LUZP2: variants seen among roughly 807,000 people sequenced by gnomAD.
LUZP2 encodes the protein leucine zipper protein 2.
A neutral mutation model predicts 51.6 loss-of-function variants in LUZP2; 52 were observed. That is an observed-to-expected ratio of 1.01 (90% CI 0.81 to 1.27). The LOEUF (loss-of-function observed/expected upper bound fraction) is 1.27, where lower values mean the gene tolerates loss of function less well. LUZP2 is among the 50% of genes most tolerant of loss of function. LUZP2 has a pLI of 0.00. For synonymous variants in LUZP2, 154 were observed against 137.3 expected (o/e 1.12, Z -0.85); for missense variants, 436 against 395.4 (o/e 1.10, Z -0.87).
chr11:24,989,279 T>C (rs1025876580), intron 9 of LUZP2, among the ~76,000 whole-genome samples: 1 of 151,148 alleles, frequency 6.6e-6, no homozygotes, highest in African/African-American at 2.5e-5. Context: ...CAGTCAATTA[T>C]GCTCCCCGCA....
chr11:24,679,012 T>C (rs1240090573), intron 1 of LUZP2, among the ~76,000 whole-genome samples: 2 of 152,256 alleles, frequency 1.3e-5, no homozygotes, highest in Admixed American at 6.5e-5. Flanking sequence ...GTATTTTTCA[T>C]TTCTAACTTC....
At chr11:25,028,956 C>T (rs1049689531) in intron 9 of LUZP2, among the ~76,000 whole-genome samples, 1 of 152,092 alleles carries the variant, frequency 6.6e-6, no homozygotes, top group African/African-American at 2.4e-5. Flanking sequence ...CTTAAAAGAT[C>T]ATTAAGTGAA....
chr11:24,898,889 TAAA>T (rs1233945884), intron 5 of LUZP2, among the ~76,000 whole-genome samples: 1 of 151,560 alleles, frequency 6.6e-6, no homozygotes, highest in Non-Finnish European at 1.5e-5. Context: ...GGACCAATGT[TAAA>T]AATAAACTCT....
chr11:24,786,725 T>TTATGTATTTATATATATATAC (rs1849260493), intron 5 of LUZP2: 1 of 16,806 alleles, frequency 6.0e-5, no homozygotes, highest in Non-Finnish European at 1.4e-4. Flanking sequence ...TATATATATA[T>TTATGTATTTATATATATATAC]GTATGCCATT....
chr11:25,072,938 C>T (rs1859197741), intron 10 of LUZP2, among the ~76,000 whole-genome samples: 1 of 151,914 alleles, frequency 6.6e-6, no homozygotes, highest in African/African-American at 2.4e-5. Flanking sequence ...ACCAGAGAGA[C>T]CTTGGGGTAT....
At chr11:24,875,315 A>T (rs564060622) in intron 5 of LUZP2, among the ~76,000 whole-genome samples, 6 of 147,556 alleles carry the variant, frequency 4.1e-5, no homozygotes, top group African/African-American at 1.3e-4. Context: ...ATGTGTTCTC[A>T]TTGTTCAATT....
At chr11:24,991,664 G>T (rs941845088) in intron 9 of LUZP2, among the ~76,000 whole-genome samples, 4 of 151,984 alleles carry the variant, frequency 2.6e-5, no homozygotes, top group African/African-American at 7.2e-5. Context: ...CATAGTGGTT[G>T]TACTAGTTTA....
At chr11:24,919,984 A>C (rs972249130) in intron 7 of LUZP2, among the ~76,000 whole-genome samples, 1 of 151,762 alleles carries the variant, frequency 6.6e-6, no homozygotes, top group Admixed American at 6.6e-5. Flanking sequence ...CAACCATGAC[A>C]AGTTGTGTTC....
intron 5 of LUZP2, 26 bp downstream of exon 5, chr11:24,763,334 AT>A: frequency 8.9e-7 from 1 of 1,120,750 alleles, no homozygotes; most frequent in Non-Finnish European, 1.2e-6. Flanking sequence ...TCTTAGATAC[AT>A]TTTATATAGA....
Position 25,001,749 on chromosome 11 carries a change from C to T in LUZP2, c.765+18456C>T, listed in dbSNP as rs559352540. The stretch of plus-strand genomic sequence containing the variant: ...TTTCTCTCTTTCCTTCTTTGACTTT[C>T]TGTCAGTCTCTTCCTCTGTCTCTCT... On this transcript the variant is annotated intron_variant, in intron 9 of 11. Transcript: ENST00000336930. 4.6e-5 allele frequency among the ~76,000 whole-genome samples: 7 copies of T among 152,084 alleles called. No individual in the cohort carries two copies. The East Asian group carries it at 1.4e-3, about 29-fold the overall frequency.
Position 24,616,009 on chromosome 11 carries a change from G to A in LUZP2, c.63-113160G>A, listed in dbSNP as rs190249170. ...TTTCTTCTGTGCATTTCCTAGTTTG[G>A]TTGCCTTTTTTTTTTCTTTTATTGT... On this transcript the variant is annotated intron_variant, in intron 1 of 11. Transcript: ENST00000336930. 7.7e-3 allele frequency among the ~76,000 whole-genome samples: 1,159 copies of A among 150,060 alleles called. 18 individuals are homozygous for A. Among genetic ancestry groups the A allele is most frequent in the African/African-American group, 0.027 (1,112 of 40,770 alleles).
intron 5 of LUZP2, among the ~76,000 whole-genome samples, chr11:24,905,753 A>T (rs1372069458): frequency 6.6e-6 from 1 of 152,190 alleles, no homozygotes; most frequent in Non-Finnish European, 1.5e-5. Flanking sequence ...CCACAATAGA[A>T]TAAAACTAGA....
rs563822785 is a variant in LUZP2 at position 24,600,635 on chromosome 11, T to A, written c.62+103330T>A. ...TATCAAACTCTAACTAAAACTTAGC[T>A]CACTTCTGTTCATAAAGATCGTGAT... On this transcript the variant is annotated intron_variant, in intron 1 of 11. Transcript: ENST00000336930. Among the ~76,000 whole-genome samples, 3 of 152,240 alleles carry A rather than the reference T, an allele frequency of 2.0e-5. No individual in the cohort carries two copies. In the South Asian group the frequency reaches 6.2e-4, roughly 32 times the overall value.
At position 24,732,194 on chromosome 11, in the gene LUZP2, A is replaced by G; in HGVS notation, c.251+6A>G. On this transcript the variant is annotated splice_donor_region_variant and intron_variant, in intron 3 of 11. Coordinates refer to ENST00000336930, the MANE Select transcript of LUZP2 (RefSeq NM_001009909.4). ...GAATTAGGACAGAAACAAAGGTAAGACTTTTCTTTTTTTCTTAGTTATTTC... is the reference window on the plus strand; with the variant it reads ...GAATTAGGACAGAAACAAAGGTAAGGCTTTTCTTTTTTTCTTAGTTATTTC... 2.5e-5 allele frequency: 40 copies of G among 1,594,822 alleles called. No individual in the cohort carries two copies. Among genetic ancestry groups the G allele is most frequent in the Non-Finnish European group, 3.4e-5 (40 of 1,170,036 alleles).
At chr11:24,618,880 T>C (rs1012409011) in intron 1 of LUZP2, among the ~76,000 whole-genome samples, 2 of 152,152 alleles carry the variant, frequency 1.3e-5, no homozygotes, top group Admixed American at 1.3e-4. Context: ...GGGTTATTTA[T>C]GCAATTTTTC....
chr11:24,981,632 C>T (rs1464307882), intron 8 of LUZP2, among the ~76,000 whole-genome samples: 1 of 151,804 alleles, frequency 6.6e-6, no homozygotes, highest in Non-Finnish European at 1.5e-5. Flanking sequence ...ACGCTGTTAC[C>T]TAACAAGGCC....
At chr11:24,501,030 C>T (rs769114311) in intron 1 of LUZP2, among the ~76,000 whole-genome samples, 17 of 152,156 alleles carry the variant, frequency 1.1e-4, no homozygotes, top group South Asian at 2.1e-4. Context: ...ATGCAAGAAG[C>T]AGTCTCACCT....
chr11:24,955,655 AG>A (rs1223189476), intron 7 of LUZP2, among the ~76,000 whole-genome samples: 1 of 152,036 alleles, frequency 6.6e-6, no homozygotes. Flanking sequence ...TGGCTTGTTC[AG>A]GGGGATTTGA....
intron 6 of LUZP2, among the ~76,000 whole-genome samples, chr11:24,909,865 G>A (rs771483530): frequency 5.3e-5 from 8 of 152,120 alleles, no homozygotes; most frequent in African/African-American, 1.7e-4. Flanking sequence ...ATGTGGAAGC[G>A]ACTTTGGAAC....
Sources: gnomAD v4.1 joint callset for allele counts (sites outside exome capture counted in the v4.1 genomes callset) on GRCh38, gnomAD v4.1.1 for gene constraint, MANE v1.5 for transcripts, NCBI Gene and HGNC (gene_info 2026-07-23, HGNC 2026-07-21) for gene names.